CALN1: variants seen among roughly 807,000 people sequenced by gnomAD.
CALN1 encodes the protein calcium-binding protein 8.
CALN1 carries 17 observed loss-of-function variants against 30.6 expected under a neutral mutation model. The observed-to-expected ratio is 0.56, with a 90% CI of 0.38 to 0.83. The LOEUF is 0.83. Among genes scored for constraint, CALN1 ranks in the 40% least tolerant of loss-of-function variants. The pLI is 0.00. For synonymous variants in CALN1, 156 were observed against 131.4 expected, an observed-to-expected ratio of 1.19 and a Z score of -1.28; for missense variants, 291 against 354.9, an observed-to-expected ratio of 0.82 and a Z score of 1.45.
the CALN1 span, among the ~76,000 whole-genome samples, chr7:72,482,977 C>T: frequency 1.3e-5 from 2 of 152,092 alleles, no homozygotes; most frequent in Non-Finnish European, 2.9e-5. Context: ...CCTTGCTGAA[C>T]GTTGACTTCT....
Position 71,962,915 on chromosome 7 carries a change from C to T in CALN1, c.501+60742G>A, listed in dbSNP as rs911597018. On this transcript the variant is annotated intron_variant, in intron 5 of 6. Coordinates refer to ENST00000395275, the MANE Select transcript of CALN1 (RefSeq NM_031468.4). ...GATCAGCGGGATCTCATCAATTCAA[C>T]GCTTACTCAAATTCTAGTAACCTTG... 1.4e-4 allele frequency among the ~76,000 whole-genome samples: 22 copies of T among 152,272 alleles called. 1 individual carries two copies. The East Asian group carries it at 3.1e-3, about 21-fold the overall frequency.
the CALN1 span, among the ~76,000 whole-genome samples, chr7:72,471,621 A>G: frequency 0.24 from 35,994 of 152,120 alleles, 4,859 homozygotes; most frequent in Non-Finnish European, 0.31. Context: ...CAGAGCCTCA[A>G]TCACATGCCT....
At position 71,806,432 on chromosome 7, in the gene CALN1, G is replaced by A. The variant is rs578179745; in HGVS notation, c.658+3904C>T. On this transcript the variant is annotated intron_variant, in intron 6 of 6. Transcript: ENST00000395275. Reference sequence around the variant, plus strand: ...AGCAATTCTCCTGTCTCAGCCTCCCGAGTAGCTGGGATTCCACGCACATGC... The same window carrying A: ...AGCAATTCTCCTGTCTCAGCCTCCCAAGTAGCTGGGATTCCACGCACATGC... Among the ~76,000 whole-genome samples, 7 of 151,008 alleles carry A rather than the reference G, an allele frequency of 4.6e-5. No homozygotes were observed. In the East Asian group the frequency reaches 1.0e-3, roughly 22 times the overall value.
At chr7:72,397,323 G>C (rs950924785) in intron 2 of CALN1, among the ~76,000 whole-genome samples, 3 of 152,082 alleles carry the variant, frequency 2.0e-5, no homozygotes, top group Admixed American at 6.5e-5. Context: ...GCACCCAGAG[G>C]GTCCACATTC....
chr7:71,820,775 C>T (rs1337665666), intron 5 of CALN1, among the ~76,000 whole-genome samples: 1 of 152,150 alleles, frequency 6.6e-6, no homozygotes. Context: ...ATTACTTGAT[C>T]AGGTTTGAGC....
At chr7:72,345,042 T>C (rs956202553) in intron 2 of CALN1, among the ~76,000 whole-genome samples, 6 of 148,122 alleles carry the variant, frequency 4.1e-5, no homozygotes, top group Non-Finnish European at 5.9e-5. Context: ...ATGTTATATA[T>C]TATATCGTAT....
chr7:72,044,019 T>A (rs775379160), intron 4 of CALN1, among the ~76,000 whole-genome samples: 3 of 152,020 alleles, frequency 2.0e-5, no homozygotes, highest in Non-Finnish European at 2.9e-5. Flanking sequence ...AAGAACAGCA[T>A]AGGAAAGTCC....
At chr7:72,150,765 A>ATG (rs1288672335) in intron 3 of CALN1, among the ~76,000 whole-genome samples, 4 of 152,194 alleles carry the variant, frequency 2.6e-5, no homozygotes, top group African/African-American at 9.7e-5. Flanking sequence ...TAAAATGGGA[A>ATG]TGTTACTAAC....
At chr7:71,858,707 G>A (rs1027404005) in intron 5 of CALN1, among the ~76,000 whole-genome samples, 4 of 152,094 alleles carry the variant, frequency 2.6e-5, no homozygotes, top group Non-Finnish European at 5.9e-5. Flanking sequence ...AGGCCAATCA[G>A]AGATTCAAAA....
At chr7:72,144,037 AC>A (rs1263055459) in intron 3 of CALN1, among the ~76,000 whole-genome samples, 4 of 151,862 alleles carry the variant, frequency 2.6e-5, no homozygotes, top group Non-Finnish European at 5.9e-5. Flanking sequence ...AACTGTAAAG[AC>A]CATCGAGGCT....
chr7:72,012,095 G>A (rs1800115326), intron 5 of CALN1, among the ~76,000 whole-genome samples: 3 of 152,184 alleles, frequency 2.0e-5, no homozygotes, highest in South Asian at 2.1e-4. Context: ...GAAACCAGTG[G>A]TGCCAGGACT....
At chr7:71,922,171 C>T (rs1412185886) in intron 5 of CALN1, among the ~76,000 whole-genome samples, 5 of 152,014 alleles carry the variant, frequency 3.3e-5, no homozygotes, top group African/African-American at 7.3e-5. Context: ...ATAAAAGAGA[C>T]GTTATAATTG....
chr7:72,495,372 G>A, the CALN1 span, among the ~76,000 whole-genome samples: 6 of 152,272 alleles, frequency 3.9e-5, no homozygotes, highest in African/African-American at 1.4e-4. Flanking sequence ...GTTCCTCCTC[G>A]TGTGAGTCCT....
rs559588282 is a variant in CALN1, at chr7:72,423,612, C to T, written c.-225-11337G>A. On this transcript the variant is annotated intron_variant, in intron 1 of 6. Coordinates refer to the CALN1 transcript ENST00000395276. ...AAAGGGTCTGGCATCTGATGCCCCA[C>T]ACCACCTGGGCGAATTCAAAGAAGA... 1.3e-4 allele frequency among the ~76,000 whole-genome samples: 20 copies of T among 152,286 alleles called. No individual in the cohort carries two copies. In the East Asian group the frequency reaches 2.5e-3, roughly 19 times the overall value.
At position 72,410,841 on chromosome 7, in the gene CALN1, G is replaced by A. The variant is rs371312233; in HGVS notation, c.-74+1217C>T. 8.0e-4 allele frequency among the ~76,000 whole-genome samples: 121 copies of A among 152,178 alleles called. 1 individual carries two copies. The highest frequency in any genetic ancestry group is 2.9e-3 in the African/African-American group (119 of 41,510). The stretch of plus-strand genomic sequence containing the variant: ...TCCAAGAAGCACTAGAAACTTTATT[G>A]CTAAAATCAGAAAAAATACAAGGAT... On this transcript the variant is annotated intron_variant, in intron 1 of 6. Transcript: ENST00000395275.
At chr7:72,435,791 A>C (rs1438672911) in intron 1 of CALN1, among the ~76,000 whole-genome samples, 1 of 152,236 alleles carries the variant, frequency 6.6e-6, no homozygotes, top group Non-Finnish European at 1.5e-5. Context: ...ACAATTTAAC[A>C]GTGTGGTACA....
At chr7:71,988,552 A>T (rs1562958924) in intron 5 of CALN1, among the ~76,000 whole-genome samples, 1 of 152,144 alleles carries the variant, frequency 6.6e-6, no homozygotes, top group Non-Finnish European at 1.5e-5. Flanking sequence ...CCTCCCAGAT[A>T]TAGGCCTGTG....
intron 5 of CALN1, among the ~76,000 whole-genome samples, chr7:71,886,211 CG>C (rs1792893576): frequency 1.3e-5 from 2 of 152,264 alleles, no homozygotes; most frequent in African/African-American, 4.8e-5. Flanking sequence ...GCCCCACCGC[CG>C]CAAGGCGAAC....
Position 71,784,351 on chromosome 7 carries a change from T to TAAA in CALN1, c.*3423_*3424insTTT, listed in dbSNP as rs1792873234. On this transcript the variant is annotated 3_prime_UTR_variant, in exon 7 of 7. Coordinates refer to ENST00000395275, the MANE Select transcript of CALN1 (RefSeq NM_031468.4). ...TTGCACTCAGGCTGAATTGGAGTGT[T>TAAA]CTTTAAGAAAATGTTCCCTATTTTT... The TAAA allele has an allele frequency of 6.5e-6, 1 of 153,166 alleles. No individual in the cohort carries two copies. Among genetic ancestry groups the TAAA allele is most frequent in the East Asian group, 1.9e-4 (1 of 5,244 alleles). 9.5% of individuals were successfully genotyped at this position (153,166 alleles called of 1,614,324 possible).
Sources: gnomAD v4.1 joint callset for allele counts (sites outside exome capture counted in the v4.1 genomes callset) on GRCh38, gnomAD v4.1.1 for gene constraint, MANE v1.5 for transcripts, NCBI Gene and HGNC (gene_info 2026-07-23, HGNC 2026-07-21) for gene names.